The following ANKRD16 variants were observed in gnomAD, a reference collection of about 807,000 sequenced individuals.
ANKRD16 encodes the protein ankyrin repeat domain-containing protein 16.
A neutral mutation model predicts 37.9 loss-of-function variants in ANKRD16; 35 were observed. That is an observed-to-expected ratio of 0.92 (90% CI 0.71 to 1.23). The LOEUF is 1.23. ANKRD16 is among the 50% of genes most tolerant of loss of function. ANKRD16 has a pLI of 0.00. For missense variants in ANKRD16, 480 were observed against 469.9 expected (o/e 1.02, Z -0.20); for synonymous variants, 206 against 197.2 (o/e 1.04, Z -0.37).
Position 5,889,472 on chromosome 10 carries a change from C to A in ANKRD16, c.-118G>T. 1 of 753,718 alleles carries A rather than the reference C, an allele frequency of 1.3e-6. No homozygotes were observed. The highest frequency in any genetic ancestry group is 1.7e-6 in the Non-Finnish European group (1 of 583,660). 46.7% of individuals were successfully genotyped at this position (753,718 alleles called of 1,614,324 possible). On this transcript the variant is annotated 5_prime_UTR_variant, in exon 1 of 8. Coordinates refer to ENST00000380094, the MANE Select transcript of ANKRD16 (RefSeq NM_019046.3). ...CTCTTCACGCAACCTGCCCCGCGCGCCCCGAACCCGGCAGAACCGCCCCTC... is the reference window on the plus strand; with the variant it reads ...CTCTTCACGCAACCTGCCCCGCGCGACCCGAACCCGGCAGAACCGCCCCTC...
chr10:5,872,303 A>G (rs1842102935), intron 7 of ANKRD16, among the ~76,000 whole-genome samples: 1 of 151,874 alleles, frequency 6.6e-6, no homozygotes, highest in Non-Finnish European at 1.5e-5. Context: ...ACATGGTGAA[A>G]CCCTGTCTCT....
rs1842072280 is a variant in ANKRD16 at position 5,870,539 on chromosome 10, G to A, written c.*33+7558C>T. Among the ~76,000 whole-genome samples the A allele has an allele frequency of 6.6e-6, 1 of 152,022 alleles. No individual in the cohort carries two copies. The highest frequency in any genetic ancestry group is 6.6e-5 in the Admixed American group (1 of 15,266). ...CCACCTCAGCTTCCTTGGTAGCTGG[G>A]ACTACAGGCACACCACGCCCAGCTA... On this transcript the variant is annotated intron_variant, in intron 7 of 7. Transcript: ENST00000380094. This position sits in a 1 kb window ranked among gnomAD's most constrained non-coding sequence, Gnocchi z 5.0.
In ANKRD16 at chr10:5,886,710, G is replaced by T. The variant is rs1297926540; in HGVS notation, c.536-945C>A. ...CCTAGAAAGCTACAAGTTATATTCT[G>T]AATTTCTTAATCTAGACTCTTGAGC... is the stretch of plus-strand genomic sequence containing the variant. On this transcript the variant is annotated intron_variant, in intron 2 of 7. Transcript: ENST00000380094. Among the ~76,000 whole-genome samples the T allele has an allele frequency of 5.3e-5, 8 of 152,260 alleles. No homozygotes were observed. In the East Asian group the frequency reaches 1.5e-3, roughly 29 times the overall value.
chr10:5,867,893 G>A (rs1842038698), intron 7 of ANKRD16, among the ~76,000 whole-genome samples: 1 of 152,182 alleles, frequency 6.6e-6, no homozygotes. Context: ...AAACTGCCGA[G>A]GCTTGGACCT....
rs1319158072 is a variant in ANKRD16, at chr10:5,871,563, GATACTGGC to G, written c.*33+6526_*33+6533del. ...GCTCCACAAATCCCCCACCCTCCTA[GATACTGGC>G]ATTGAATGAGGCGCCCACGTGGGCT... On this transcript the variant is annotated intron_variant, in intron 7 of 7. Coordinates refer to ENST00000380094, the MANE Select transcript of ANKRD16 (RefSeq NM_019046.3). The surrounding 1 kb of genome is among the most constrained non-coding windows in gnomAD (Gnocchi z 4.5). Among the ~76,000 whole-genome samples the G allele has an allele frequency of 6.6e-6, 1 of 152,136 alleles. No individual in the cohort carries two copies. The highest frequency in any genetic ancestry group is 2.4e-5 in the African/African-American group (1 of 41,430).
rs137867801 is a variant in ANKRD16 at position 5,863,620 on chromosome 10, C to A, written c.*34-929G>T. ...CCAGCAGCAGCAACCCACTTGGGTC[C>A]CCTTCCACACTGTGGAAGCTTTGTT... is the stretch of plus-strand genomic sequence containing the variant. On this transcript the variant is annotated intron_variant, in intron 7 of 7. Transcript: ENST00000380094. This position sits in a 1 kb window ranked among gnomAD's most constrained non-coding sequence, Gnocchi z 4.7. Among the ~76,000 whole-genome samples the A allele has an allele frequency of 4.4e-4, 67 of 152,120 alleles. No homozygotes were observed. In the South Asian group the frequency reaches 0.013, roughly 31 times the overall value.
At chr10:5,873,927 T>G (rs1188562450) in intron 7 of ANKRD16, among the ~76,000 whole-genome samples, 1 of 151,506 alleles carries the variant, frequency 6.6e-6, no homozygotes, top group African/African-American at 2.4e-5. Context: ...GGCGTCTCGC[T>G]CTGTTGCCAG....
chr10:5,878,542 G>A lies in ANKRD16; in HGVS notation c.929-255C>T, dbSNP rs1325285537. Among the ~76,000 whole-genome samples, 1 of 152,154 alleles carries A rather than the reference G, an allele frequency of 6.6e-6. No individual in the cohort carries two copies. Among genetic ancestry groups the A allele is most frequent in the African/African-American group, 2.4e-5 (1 of 41,426 alleles). On this transcript the variant is annotated intron_variant, in intron 6 of 7. Transcript: ENST00000380094. The surrounding 1 kb of genome is among the most constrained non-coding windows in gnomAD (Gnocchi z 5.1). ...AGGCTGGGCGTGGTGGCTCATGCCT[G>A]TAATCCCAGCACTCTGGGAGGCTGA...
intron 3 of ANKRD16, 113 bp from the exon 4 acceptor site, chr10:5,884,190 C>A: frequency 1.3e-6 from 1 of 756,302 alleles, no homozygotes; most frequent in Non-Finnish European, 2.2e-6. Flanking sequence ...GACCTGTGAG[C>A]ATGGAGCTCT....
At position 5,864,387 on chromosome 10, in the gene ANKRD16, G is replaced by A. The variant is rs1316007006; in HGVS notation, c.*34-1696C>T. 6.6e-6 allele frequency among the ~76,000 whole-genome samples: 1 copy of A among 151,984 alleles called. No homozygotes were observed. Among genetic ancestry groups the A allele is most frequent in the African/African-American group, 2.4e-5 (1 of 41,328 alleles). Reference sequence around the variant, plus strand: ...TGTCCTTTTCAAGCTGTATGGGGAGGGGAATTTGGCCCAACCCGGGTACAT... The same window carrying A: ...TGTCCTTTTCAAGCTGTATGGGGAGAGGAATTTGGCCCAACCCGGGTACAT... On this transcript the variant is annotated intron_variant, in intron 7 of 7. Transcript: ENST00000380094. This position sits in a 1 kb window ranked among gnomAD's most constrained non-coding sequence, Gnocchi z 4.4.
chr10:5,889,029 C>A lies in ANKRD16; in HGVS notation c.314+12G>T. On this transcript the variant is annotated intron_variant, in intron 1 of 7. Coordinates refer to ENST00000380094, the MANE Select transcript of ANKRD16 (RefSeq NM_019046.3). ...AGAGGGGAGGCGGGGTGTCTTTCCG[C>A]TCCACACCTACCAGTCGGCCTTCTT... 6.6e-7 allele frequency: 1 copy of A among 1,511,598 alleles called. No homozygotes were observed. Among genetic ancestry groups the A allele is most frequent in the South Asian group, 1.2e-5 (1 of 80,576 alleles). The allele number at this position is 1,511,598 out of a possible 1,614,324, so 93.6% of individuals were successfully genotyped here. A position where few individuals can be genotyped will look rare whatever the true frequency, so the allele number is the denominator to read the frequency against.
rs558626242 is a variant in ANKRD16 at position 5,878,395 on chromosome 10, C to T, written c.929-108G>A. 113 of 1,013,284 alleles carry T rather than the reference C, an allele frequency of 1.1e-4. 1 individual carries two copies. The highest frequency in any genetic ancestry group is 1.2e-4 in the Non-Finnish European group (89 of 714,546). 62.8% of individuals were successfully genotyped at this position (1,013,284 alleles called of 1,614,324 possible). ...AAATATCAATTCTTTCAATATCTTCCGTAATCCATCTTCACAACTTCACCT... is the reference window on the plus strand; with the variant it reads ...AAATATCAATTCTTTCAATATCTTCTGTAATCCATCTTCACAACTTCACCT... On this transcript the variant is annotated intron_variant, in intron 6 of 7. Transcript: ENST00000380094. The surrounding 1 kb of genome is among the most constrained non-coding windows in gnomAD (Gnocchi z 5.1).
rs114696447 is a variant in ANKRD16 at position 5,870,329 on chromosome 10, G to C, written c.*34-7638C>G. ...GCCCCCAGTGCACCCGCACAGTGAG[G>C]TCAGCGTTGGCTCTTGGCCTCTCTT... On this transcript the variant is annotated intron_variant, in intron 7 of 7. Coordinates refer to ENST00000380094, the MANE Select transcript of ANKRD16 (RefSeq NM_019046.3). The surrounding 1 kb of genome is among the most constrained non-coding windows in gnomAD (Gnocchi z 5.0). Among the ~76,000 whole-genome samples, 3,974 of 151,994 alleles carry C rather than the reference G, an allele frequency of 0.026. 164 individuals are homozygous for C. Among genetic ancestry groups the C allele is most frequent in the African/African-American group, 0.09 (3,728 of 41,444 alleles).
Position 5,878,387 on chromosome 10 carries a change from A to G in ANKRD16, c.929-100T>C. The G allele has an allele frequency of 6.4e-6, 7 of 1,094,648 alleles. No individual in the cohort carries two copies. Among genetic ancestry groups the G allele is most frequent in the Non-Finnish European group, 9.0e-6 (7 of 780,610 alleles). The allele number at this position is 1,094,648 out of a possible 1,614,324, so 67.8% of individuals were successfully genotyped here. On this transcript the variant is annotated intron_variant, in intron 6 of 7. Transcript: ENST00000380094. The surrounding 1 kb of genome is among the most constrained non-coding windows in gnomAD (Gnocchi z 5.1). ...CCCAATAAAAATATCAATTCTTTCA[A>G]TATCTTCCGTAATCCATCTTCACAA...
Position 5,877,754 on chromosome 10 carries a change from A to G in ANKRD16, c.*33+343T>C, listed in dbSNP as rs536200940. The stretch of plus-strand genomic sequence containing the variant: ...ACAGCCTTACCATGCAGCAGTTACT[A>G]TAAGATATTTCATATGTTTGTGAAA... On this transcript the variant is annotated intron_variant, in intron 7 of 7. Coordinates refer to ENST00000380094, the MANE Select transcript of ANKRD16 (RefSeq NM_019046.3). Among the ~76,000 whole-genome samples the G allele has an allele frequency of 9.2e-5, 14 of 151,882 alleles. No homozygotes were observed. In the South Asian group the frequency reaches 2.7e-3, roughly 29 times the overall value.
chr10:5,881,500 C>CTGTTGCTT (rs2131773701), intron 5 of ANKRD16, among the ~76,000 whole-genome samples: 1 of 125,226 alleles, frequency 8.0e-6, no homozygotes, highest in East Asian at 3.0e-4. Flanking sequence ...TAGTCTCACT[C>CTGTTGCTT]TGTTGCTTGG....
chr10:5,889,242 TC>T lies in ANKRD16; in HGVS notation c.112del (p.Asp38IlefsTer63). ...AAGGCPGPAG[D>X]TLLHCAARHG... ...GCGCGCGGCGCAGTGCAGGAGGGTA[TC>T]CCCGGCCGGCCCCGGGCAGCCCCCG... On this transcript the variant is annotated frameshift_variant, in exon 1 of 8. Coordinates refer to ENST00000380094, the MANE Select transcript of ANKRD16 (RefSeq NM_019046.3). LOFTEE classifies it high-confidence loss of function. 7.8e-6 allele frequency: 12 copies of T among 1,536,280 alleles called. No homozygotes were observed. Among genetic ancestry groups the T allele is most frequent in the South Asian group, 1.2e-5 (1 of 85,316 alleles).
rs1842096163 is a variant in ANKRD16, at chr10:5,871,942, C to T, written c.*33+6155G>A. On this transcript the variant is annotated intron_variant, in intron 7 of 7. Transcript: ENST00000380094. The surrounding 1 kb of genome is among the most constrained non-coding windows in gnomAD (Gnocchi z 4.5). ...CAGGCCCCTGTGCAGCCCATATCTC[C>T]CACCCACTCGCATGGCCCAACCTCC... is the stretch of plus-strand genomic sequence containing the variant. Among the ~76,000 whole-genome samples the T allele has an allele frequency of 2.0e-5, 3 of 152,164 alleles. No individual in the cohort carries two copies. Among genetic ancestry groups the T allele is most frequent in the Admixed American group, 1.3e-4 (2 of 15,278 alleles).
chr10:5,887,988 G>T lies in ANKRD16; in HGVS notation c.394C>A (p.Leu132Met), dbSNP rs377323749. 2.5e-6 allele frequency: 4 copies of T among 1,614,120 alleles called. No individual in the cohort carries two copies. The African/African-American group carries it at 5.3e-5, about 22-fold the overall frequency. The stretch of plus-strand genomic sequence containing the variant: ...CTGTTCCAGCCATCTTTGTTCTTCA[G>T]GAGTGGATTGGCGCCATGTTCCACC... ...ELVEHGANPL[L>M]KNKDGWNSFH... Residue 132 changes from leucine to methionine, a missense_variant, in exon 2 of 8, where the codon CTG (leucine) becomes ATG (methionine). Coordinates refer to ENST00000380094, the MANE Select transcript of ANKRD16 (RefSeq NM_019046.3).
Sources: allele counts gnomAD v4.1 joint callset (sites outside exome capture counted in the v4.1 genomes callset), GRCh38; gene constraint gnomAD v4.1.1; non-coding constraint Gnocchi (gnomAD v3.1); transcripts MANE v1.5; gene names NCBI Gene and HGNC (gene_info 2026-07-23, HGNC 2026-07-21).